The following DMD variants were observed in gnomAD, a reference collection of about 807,000 sequenced individuals.
The protein encoded by DMD is mutant dystrophin.
In DMD, 63 loss-of-function variants were observed where a neutral mutation model predicts 330.1. The observed-to-expected ratio is 0.19, with a 90% confidence interval of 0.16 to 0.24. DMD has a LOEUF of 0.24. DMD is among the 10% of genes least tolerant of loss of function. DMD has a pLI of 1.00. For missense variants in DMD, 3,344 were observed against 2,684.1 expected, an observed-to-expected ratio of 1.25 and a Z score of -5.43; for synonymous variants, 1,223 against 959.8, an observed-to-expected ratio of 1.27 and a Z score of -5.07.
intron 7 of DMD, among the ~76,000 whole-genome samples, chrX:32,779,134 G>C (rs1442297294): frequency 9.0e-6 from 1 of 111,066 alleles, no homozygotes; most frequent in East Asian, 2.8e-4. Context: ...TAAGCTAATT[G>C]TTCATGTATG....
intron 42 of DMD, among the ~76,000 whole-genome samples, chrX:32,307,779 C>T (rs773142161): frequency 1.1e-4 from 12 of 110,959 alleles, no homozygotes; most frequent in Non-Finnish European, 1.1e-4. Flanking sequence ...CAGGATTTGA[C>T]GGTTTAACAC....
chrX:31,968,226 C>A (rs775403320), intron 45 of DMD, 113 bp downstream of exon 45: 197 of 891,928 alleles, frequency 2.2e-4, no homozygotes, highest in Non-Finnish European at 3.1e-4. Flanking sequence ...TTGATAGGTT[C>A]TTTAATGTTA....
At chrX:33,000,094 T>A (rs1010051016) in intron 2 of DMD, among the ~76,000 whole-genome samples, 2 of 112,410 alleles carry the variant, frequency 1.8e-5, no homozygotes, top group Admixed American at 9.4e-5. Context: ...CTATTAAGAT[T>A]GGTAAATGTA....
Position 31,818,715 on chromosome X carries a change from AT to A in DMD, c.7309+1259del, listed in dbSNP as rs755295366. Among the ~76,000 whole-genome samples, 4 of 108,030 alleles carry A rather than the reference AT, an allele frequency of 3.7e-5. No individual in the cohort carries two copies. In the East Asian group the frequency reaches 1.2e-3, roughly 31 times the overall value. 93.8% of individuals were successfully genotyped at this position (108,030 alleles called of 115,157 possible). Reference sequence around the variant, plus strand: ...CCTGACACAGTTGAGTATAACCCTGATACAGCAATTTCAGTGTCCCAGATTG... The same window carrying A: ...CCTGACACAGTTGAGTATAACCCTGAACAGCAATTTCAGTGTCCCAGATTG... On this transcript the variant is annotated intron_variant, in intron 50 of 78. Transcript: ENST00000357033.
rs180715625 is a variant in DMD, at chrX:31,705,566, A to C, written c.7660+24065T>G. Among the ~76,000 whole-genome samples, 482 of 112,834 alleles carry C rather than the reference A, an allele frequency of 4.3e-3. 1 individual carries two copies. The highest frequency in any genetic ancestry group is 0.014 in the Middle Eastern group (3 of 219). ...TACAGGCTGCATGTCGTGTCTGAAA[A>C]TCATTTTGCTTAAAGCTGCTTTGTT... On this transcript the variant is annotated intron_variant, in intron 52 of 78. Transcript: ENST00000357033.
chrX:32,054,579 AC>A (rs1305165702), intron 44 of DMD, among the ~76,000 whole-genome samples: 2 of 108,681 alleles, frequency 1.8e-5, no homozygotes, highest in Non-Finnish European at 3.8e-5. Context: ...TGGAGAAGTG[AC>A]TTCTCCTCAA....
intron 39 of DMD, 35 bp from the exon 40 acceptor site, chrX:32,343,321 A>G (rs1168901580): frequency 8.8e-7 from 1 of 1,134,942 alleles, no homozygotes; most frequent in East Asian, 3.0e-5. Flanking sequence ...AAATATCAAT[A>G]TATATGTATA....
At chrX:31,314,448 G>A (rs1049094186) in intron 62 of DMD, among the ~76,000 whole-genome samples, 18 of 111,931 alleles carry the variant, frequency 1.6e-4, no homozygotes, top group Non-Finnish European at 3.0e-4. Context: ...AGATGGATGT[G>A]GATAAGCTGA....
chrX:31,431,672 C>G (rs959605640), intron 60 of DMD, among the ~76,000 whole-genome samples: 3 of 112,135 alleles, frequency 2.7e-5, no homozygotes, highest in Non-Finnish European at 3.8e-5. Context: ...GCTGGGATTA[C>G]AGGCGTGAGC....
chrX:32,382,980 G>C (rs1188336796), intron 33 of DMD, among the ~76,000 whole-genome samples: 1 of 110,892 alleles, frequency 9.0e-6, no homozygotes, highest in East Asian at 2.8e-4. Context: ...AGTAGTCATT[G>C]TTTCACGAAG....
At chrX:32,369,489 C>A (rs1326332487) in intron 34 of DMD, among the ~76,000 whole-genome samples, 1 of 111,555 alleles carries the variant, frequency 9.0e-6, no homozygotes, top group Non-Finnish European at 1.9e-5. Context: ...TTGGTCTCTG[C>A]TGATTATACC....
At chrX:32,133,009 T>C (rs373862618) in intron 44 of DMD, among the ~76,000 whole-genome samples, 34,264 of 83,231 alleles carry the variant, frequency 0.41, 5,344 homozygotes, top group Non-Finnish European at 0.49. Flanking sequence ...TTTTTTTTTT[T>C]TTTTTTTTTT....
In DMD at chrX:32,644,210, G is replaced by T; in HGVS notation, c.1253C>A (p.Thr418Asn). 1 of 1,210,070 alleles carries T rather than the reference G, an allele frequency of 8.3e-7. No homozygotes were observed. The highest frequency in any genetic ancestry group is 1.1e-6 in the Non-Finnish European group (1 of 894,331). The change falls in exon 11 of 79, where the codon ACT becomes AAT. Residue 418 changes from threonine (T) to asparagine (N), a missense_variant. Transcript: ENST00000357033. Reference sequence around the variant, plus strand: ...GAGATTCATCTGCTCTTGTACTTCAGTTTCTTCATCTTCTGATAATTTTCC... The same window carrying T: ...GAGATTCATCTGCTCTTGTACTTCATTTTCTTCATCTTCTGATAATTTTCC... ...GTGKLSEDEE[T>N]EVQEQMNLLN... is the part of the protein sequence containing the mutation.
intron 63 of DMD, among the ~76,000 whole-genome samples, chrX:31,249,374 TG>T (rs1410732200): frequency 3.6e-5 from 4 of 111,354 alleles, no homozygotes; most frequent in African/African-American, 1.3e-4. Context: ...CCCGAGTATC[TG>T]GTACTACAGG....
intron 7 of DMD, among the ~76,000 whole-genome samples, chrX:32,761,194 T>G (rs868751153): frequency 2.7e-5 from 3 of 111,973 alleles, no homozygotes; most frequent in Admixed American, 9.5e-5. Context: ...TCTCTTACCA[T>G]AAACCCACCT....
At chrX:33,237,969 T>C (rs147101969) in intron 1 of DMD, among the ~76,000 whole-genome samples, 238 of 112,476 alleles carry the variant, frequency 2.1e-3, no homozygotes, top group Non-Finnish European at 2.9e-3. Flanking sequence ...AAGGGATTCA[T>C]AGCTTTTGAA....
At chrX:31,788,601 C>T (rs1442069416) in intron 50 of DMD, among the ~76,000 whole-genome samples, 2 of 111,259 alleles carry the variant, frequency 1.8e-5, no homozygotes, top group Admixed American at 9.6e-5. Flanking sequence ...TGATCTAAAG[C>T]ATAAAGTCCA....
chrX:31,441,221 G>A (rs944589091), intron 60 of DMD, among the ~76,000 whole-genome samples: 4 of 111,230 alleles, frequency 3.6e-5, no homozygotes, highest in African/African-American at 9.8e-5. Flanking sequence ...TTTTGAGACC[G>A]AGTCTGGCTC....
At chrX:33,228,839 C>T (rs1277905155) in intron 1 of DMD, among the ~76,000 whole-genome samples, 1 of 109,147 alleles carries the variant, frequency 9.2e-6, no homozygotes, top group African/African-American at 3.3e-5. Flanking sequence ...CAGTAATGTA[C>T]GAGTGATCCC....
Sources: gnomAD v4.1 joint callset for allele counts (sites outside exome capture counted in the v4.1 genomes callset) on GRCh38, gnomAD v4.1.1 for gene constraint, MANE v1.5 for transcripts, NCBI Gene and HGNC (gene_info 2026-07-23, HGNC 2026-07-21) for gene names.